Variants in CADPS2 observed in about 807,000 individuals in gnomAD.
CADPS2 encodes the protein calcium-dependent secretion activator 2.
In CADPS2, 93 loss-of-function variants were observed where a neutral mutation model predicts 172.5. The ratio of observed to expected loss-of-function variants is 0.54; its 90% CI spans 0.46 to 0.64. CADPS2 has a LOEUF of 0.64. Ranked by LOEUF, CADPS2 falls within the 30% of genes least tolerant of loss-of-function variation. The probability of loss-of-function intolerance (pLI) is 0.00; values close to 1 mark genes in which losing one functional copy is unlikely to be tolerated. For missense variants in CADPS2, 1,420 were observed against 1,565.9 expected (o/e 0.91, Z 1.57); for synonymous variants, 546 against 555.2 (o/e 0.98, Z 0.23).
At chr7:122,589,494 T>A (rs898101286) in intron 6 of CADPS2, among the ~76,000 whole-genome samples, 4 of 151,926 alleles carry the variant, frequency 2.6e-5, no homozygotes, top group African/African-American at 7.2e-5. Context: ...GAGCAGCTTT[T>A]AATATTTTAA....
chr7:122,564,640 C>T (rs1691396334), intron 7 of CADPS2, among the ~76,000 whole-genome samples: 1 of 151,958 alleles, frequency 6.6e-6, no homozygotes, highest in South Asian at 2.1e-4. Context: ...ATAGAAATAT[C>T]ATTAGATCCA....
At chr7:122,726,681 G>A (rs1219141951) in intron 2 of CADPS2, among the ~76,000 whole-genome samples, 1 of 150,676 alleles carries the variant, frequency 6.6e-6, no homozygotes, top group Non-Finnish European at 1.5e-5. Flanking sequence ...GGGTCATAGA[G>A]TCAGGGAAAT....
At chr7:122,708,929 A>G (rs1222732490) in intron 2 of CADPS2, among the ~76,000 whole-genome samples, 1 of 152,034 alleles carries the variant, frequency 6.6e-6, no homozygotes, top group African/African-American at 2.4e-5. Context: ...GATTAAGACA[A>G]TATTTGGCCG....
intron 11 of CADPS2, among the ~76,000 whole-genome samples, chr7:122,487,674 A>G (rs2057957207): frequency 6.6e-6 from 1 of 152,220 alleles, no homozygotes; most frequent in African/African-American, 2.4e-5. Flanking sequence ...GAAAATTATT[A>G]AAATGTAAAG....
intron 25 of CADPS2, among the ~76,000 whole-genome samples, chr7:122,373,985 T>C (rs1407250069): frequency 3.9e-5 from 6 of 151,992 alleles, no homozygotes; most frequent in Non-Finnish European, 8.8e-5. Flanking sequence ...AAGATAAACA[T>C]GGATACAAAA....
At chr7:122,434,211 A>C (rs2151916309) in intron 17 of CADPS2, among the ~76,000 whole-genome samples, 1 of 152,092 alleles carries the variant, frequency 6.6e-6, no homozygotes, top group African/African-American at 2.4e-5. Flanking sequence ...TCAGTCCCAT[A>C]TTTTTTTCTA....
intron 8 of CADPS2, among the ~76,000 whole-genome samples, chr7:122,552,775 G>GTT (rs61517518): frequency 3.0e-3 from 413 of 137,066 alleles, no homozygotes; most frequent in Middle Eastern, 7.9e-3. Context: ...ATAGGTTCCT[G>GTT]TTTTTTTTTT....
chr7:122,613,904 T>A (rs1434350809), intron 6 of CADPS2, among the ~76,000 whole-genome samples: 2 of 151,926 alleles, frequency 1.3e-5, no homozygotes, highest in Non-Finnish European at 2.9e-5. Flanking sequence ...AGGAAATACA[T>A]TGCAAAATAA....
At chr7:122,452,642 C>T (rs1563377968) in intron 14 of CADPS2, among the ~76,000 whole-genome samples, 1 of 152,088 alleles carries the variant, frequency 6.6e-6, no homozygotes, top group Non-Finnish European at 1.5e-5. Flanking sequence ...GTGATCTGCC[C>T]GCCTTGGCCT....
chr7:122,464,477 T>TC (rs1444450859), intron 14 of CADPS2, among the ~76,000 whole-genome samples: 2 of 152,214 alleles, frequency 1.3e-5, no homozygotes, highest in Non-Finnish European at 2.9e-5. Context: ...TCCTGTCTCC[T>TC]CTTCAGTGTG....
chr7:122,491,966 A>G (rs533391271), intron 9 of CADPS2, among the ~76,000 whole-genome samples: 1 of 152,230 alleles, frequency 6.6e-6, no homozygotes, highest in South Asian at 2.1e-4. Flanking sequence ...AGGTCAGGAA[A>G]TCGAGACCAT....
Position 122,345,590 on chromosome 7 carries a change from A to G in CADPS2, c.3596T>C (p.Ile1199Thr), listed in dbSNP as rs528585432. The change falls in exon 28 of 30, where the codon ATA becomes ACA. Residue 1199 changes from isoleucine to threonine, a missense_variant. Physicochemically the swap from Ile to Thr is moderately conservative, Grantham distance 89 (BLOSUM62 -1). Coordinates refer to ENST00000449022, the MANE Select transcript of CADPS2 (RefSeq NM_017954.11). The part of the protein sequence containing the change: ...LREKVNEEMY[I>T]EKLFDQWYSS... The stretch of plus-strand genomic sequence containing the variant: ...GCTACTTACATCAAATAACTTTTCT[A>G]TATACATTTCCTCATTGACCTTTTC... 1.6e-5 allele frequency: 25 copies of G among 1,605,748 alleles called. No homozygotes were observed. In the South Asian group the frequency reaches 2.5e-4, roughly 16 times the overall value.
intron 2 of CADPS2, among the ~76,000 whole-genome samples, chr7:122,682,001 T>A (rs2083102850): frequency 6.6e-6 from 1 of 152,150 alleles, no homozygotes; most frequent in Non-Finnish European, 1.5e-5. Flanking sequence ...GTTCTAAAGC[T>A]TTTTTCTTCT....
At chr7:122,553,578 G>A (rs1413277450) in intron 8 of CADPS2, among the ~76,000 whole-genome samples, 1 of 152,080 alleles carries the variant, frequency 6.6e-6, no homozygotes, top group East Asian at 1.9e-4. Context: ...CAACTGTAAT[G>A]TATACCTTGG....
chr7:122,731,411 A>G (rs898570885), intron 2 of CADPS2, among the ~76,000 whole-genome samples: 5 of 151,794 alleles, frequency 3.3e-5, no homozygotes, highest in East Asian at 1.9e-4. Flanking sequence ...TCACATTGTC[A>G]TTTGTTATAT....
At chr7:122,728,897 C>T (rs530557366) in intron 2 of CADPS2, among the ~76,000 whole-genome samples, 35 of 151,648 alleles carry the variant, frequency 2.3e-4, no homozygotes, top group Non-Finnish European at 3.8e-4. Flanking sequence ...TATTACAAGT[C>T]GCCTCTCTTC....
At chr7:122,697,606 T>A in intron 2 of CADPS2, 1 of 536,240 alleles carries the variant, frequency 1.9e-6, no homozygotes. Context: ...AGGTCCAAAA[T>A]TGCACAAAAA....
intron 14 of CADPS2, among the ~76,000 whole-genome samples, chr7:122,468,715 C>T (rs1431988930): frequency 3.3e-5 from 5 of 152,146 alleles, no homozygotes; most frequent in African/African-American, 7.2e-5. Flanking sequence ...AATTTCAGAG[C>T]CGGGATTCAA....
intron 2 of CADPS2, among the ~76,000 whole-genome samples, chr7:122,709,996 A>T (rs2088423883): frequency 6.6e-6 from 1 of 151,134 alleles, no homozygotes; most frequent in Admixed American, 6.6e-5. Flanking sequence ...AGCATGGCAC[A>T]TATGTAACTA....
Sources: gnomAD v4.1 joint callset for allele counts (sites outside exome capture counted in the v4.1 genomes callset) on GRCh38, gnomAD v4.1.1 for gene constraint, MANE v1.5 for transcripts, NCBI Gene and HGNC (gene_info 2026-07-23, HGNC 2026-07-21) for gene names.